The following CDH4 variants were observed in gnomAD, a reference collection of about 807,000 sequenced individuals.
The protein encoded by CDH4 is cadherin 4.
In CDH4, 33 loss-of-function variants were observed where a neutral mutation model predicts 86.0. The ratio of observed to expected loss-of-function variants is 0.38; its 90% CI spans 0.29 to 0.51. The LOEUF is 0.51. Ranked by LOEUF, CDH4 falls within the 20% of genes least tolerant of loss-of-function variation. The pLI is 0.86. For synonymous variants in CDH4, 555 were observed against 549.4 expected (o/e 1.01, Z -0.14); for missense variants, 1,114 against 1,307.4 (o/e 0.85, Z 2.28).
intron 2 of CDH4, among the ~76,000 whole-genome samples, chr20:61,671,561 G>A (rs769859065): frequency 2.0e-4 from 30 of 151,886 alleles, no homozygotes; most frequent in Non-Finnish European, 2.4e-4. Context: ...AATAATAGAC[G>A]GATGATAGGT....
chr20:61,719,228 T>C (rs1036588797), intron 2 of CDH4: 29 of 412,334 alleles, frequency 7.0e-5, no homozygotes, highest in African/African-American at 5.4e-4. Context: ...TGTTCATTGC[T>C]AATACAGAGA....
At chr20:61,387,972 A>G (rs1320029522) in intron 2 of CDH4, among the ~76,000 whole-genome samples, 1 of 151,850 alleles carries the variant, frequency 6.6e-6, no homozygotes, top group Non-Finnish European at 1.5e-5. Flanking sequence ...AGGTATCTCT[A>G]TTTTTGGTTT....
intron 2 of CDH4, among the ~76,000 whole-genome samples, chr20:61,383,233 T>C (rs1402902711): frequency 8.2e-6 from 1 of 122,548 alleles, no homozygotes; most frequent in Non-Finnish European, 1.6e-5. Flanking sequence ...ATTATATATA[T>C]GAATATATAT....
At chr20:61,343,001 C>T (rs984262931) in intron 2 of CDH4, among the ~76,000 whole-genome samples, 4 of 152,188 alleles carry the variant, frequency 2.6e-5, no homozygotes, top group Admixed American at 1.3e-4. Flanking sequence ...CGCCCACCTA[C>T]GGCCCAATGC....
chr20:61,745,613 C>A (rs1310357089), intron 3 of CDH4, among the ~76,000 whole-genome samples: 2 of 151,914 alleles, frequency 1.3e-5, no homozygotes, highest in Admixed American at 1.3e-4. Context: ...CGGTGTATGT[C>A]ATTTTCCTTC....
At chr20:61,588,015 T>C (rs914618500) in intron 2 of CDH4, among the ~76,000 whole-genome samples, 2 of 152,216 alleles carry the variant, frequency 1.3e-5, no homozygotes, top group African/African-American at 4.8e-5. Flanking sequence ...TTCCGTGGCA[T>C]TTTAAAAACA....
chr20:61,330,632 C>T (rs563619041), intron 2 of CDH4, among the ~76,000 whole-genome samples: 170 of 152,312 alleles, frequency 1.1e-3, no homozygotes, highest in Middle Eastern at 3.4e-3. Context: ...CTGGTGCCTG[C>T]GGCTGGCTGG....
intron 2 of CDH4, among the ~76,000 whole-genome samples, chr20:61,648,229 G>A (rs1160546192): frequency 6.6e-6 from 1 of 152,226 alleles, no homozygotes; most frequent in Non-Finnish European, 1.5e-5. Context: ...TCTTTCTGAT[G>A]GAATGTGGGA....
intron 2 of CDH4, among the ~76,000 whole-genome samples, chr20:61,734,283 G>C (rs2145929763): frequency 1.3e-5 from 2 of 152,362 alleles, no homozygotes; most frequent in Non-Finnish European, 2.9e-5. Context: ...CTGTTTAGCT[G>C]AGGGTCTAAT....
At chr20:61,579,716 A>G (rs1222658825) in intron 2 of CDH4, among the ~76,000 whole-genome samples, 1 of 152,150 alleles carries the variant, frequency 6.6e-6, no homozygotes, top group Non-Finnish European at 1.5e-5. Flanking sequence ...CGGAGTAGGC[A>G]CCCGATGAAT....
At chr20:61,630,102 A>G (rs979198739) in intron 2 of CDH4, among the ~76,000 whole-genome samples, 3 of 152,348 alleles carry the variant, frequency 2.0e-5, no homozygotes, top group African/African-American at 7.2e-5. Context: ...GCTTACAGCC[A>G]TGAACACAGG....
intron 5 of CDH4, 93 bp from the exon 6 acceptor site, chr20:61,852,661 A>C: frequency 1.5e-6 from 2 of 1,329,906 alleles, no homozygotes; most frequent in Non-Finnish European, 2.0e-6. Flanking sequence ...TTCTGCCATC[A>C]GTCTCCTACC....
chr20:61,291,383 C>CAGT (rs2084319867), intron 2 of CDH4, among the ~76,000 whole-genome samples: 1 of 152,240 alleles, frequency 6.6e-6, no homozygotes, highest in Non-Finnish European at 1.5e-5. Context: ...GAACTCAAGA[C>CAGT]AGTACCGTGG....
In CDH4 at chr20:61,333,380, C is replaced by T. The variant is rs372600712; in HGVS notation, c.169+78443C>T. ...CATAGAAACCTCAATTCAGACATTG[C>T]AGGGGTGCGGGTTGTCAATGTGGCT... is the stretch of plus-strand genomic sequence containing the variant. On this transcript the variant is annotated intron_variant, in intron 2 of 15. Coordinates refer to ENST00000614565, the MANE Select transcript of CDH4 (RefSeq NM_001794.5). 9.9e-5 allele frequency among the ~76,000 whole-genome samples: 15 copies of T among 152,284 alleles called. No individual in the cohort carries two copies. The East Asian group carries it at 1.7e-3, about 18-fold the overall frequency.
intron 5 of CDH4, among the ~76,000 whole-genome samples, chr20:61,849,232 G>A (rs1982600998): frequency 6.6e-6 from 1 of 151,786 alleles, no homozygotes; most frequent in African/African-American, 2.4e-5. Flanking sequence ...GGAGAAGGAA[G>A]CCCCTCCCTG....
chr20:61,777,254 A>G (rs2088852596), intron 4 of CDH4, among the ~76,000 whole-genome samples: 1 of 152,100 alleles, frequency 6.6e-6, no homozygotes, highest in Non-Finnish European at 1.5e-5. Context: ...TGAGGGAATG[A>G]ATGAGTGAGT....
intron 3 of CDH4, among the ~76,000 whole-genome samples, chr20:61,759,968 G>A (rs1600957016): frequency 6.6e-6 from 1 of 152,222 alleles, no homozygotes; most frequent in African/African-American, 2.4e-5. Flanking sequence ...GGCCAGGACC[G>A]AGGTCACAAG....
intron 2 of CDH4, among the ~76,000 whole-genome samples, chr20:61,268,520 T>A (rs2084168464): frequency 6.6e-6 from 1 of 152,216 alleles, no homozygotes; most frequent in Non-Finnish European, 1.5e-5. Context: ...GGGGGTGCTA[T>A]GGTTTGAGTA....
At chr20:61,361,251 A>G (rs1044120042) in intron 2 of CDH4, among the ~76,000 whole-genome samples, 4 of 151,780 alleles carry the variant, frequency 2.6e-5, no homozygotes, top group South Asian at 4.2e-4. Context: ...GGTTTCTGGG[A>G]TGGGCCCTCC....
Sources: allele counts gnomAD v4.1 joint callset (sites outside exome capture counted in the v4.1 genomes callset), GRCh38; gene constraint gnomAD v4.1.1; transcripts MANE v1.5; gene names NCBI Gene and HGNC (gene_info 2026-07-23, HGNC 2026-07-21).